The following RDH8 variants were observed in gnomAD, a reference collection of about 807,000 sequenced individuals.
RDH8 encodes the protein retinol dehydrogenase 8.
In RDH8, 14 loss-of-function variants were observed where a neutral mutation model predicts 22.3. That is an observed-to-expected ratio of 0.63 (90% CI 0.42 to 0.98). RDH8 has a LOEUF of 0.98. Among genes scored for constraint, RDH8 ranks in the 50% least tolerant of loss-of-function variants. RDH8 has a pLI of 0.00. For missense variants in RDH8, 389 were observed against 409.8 expected, an observed-to-expected ratio of 0.95 and a Z score of 0.44; for synonymous variants, 175 against 171.7, an observed-to-expected ratio of 1.02 and a Z score of -0.15.
intron 3 of RDH8, among the ~76,000 whole-genome samples, chr19:10,019,837 C>CAAACAAACA (rs1200800253): frequency 6.6e-6 from 1 of 151,192 alleles, no homozygotes; most frequent in Non-Finnish European, 1.5e-5. Context: ...AACAAACAAA[C>CAAACAAACA]AAAAAACAAC....
chr19:10,014,428 G>A (rs932587341), intron 1 of RDH8, among the ~76,000 whole-genome samples: 1 of 152,192 alleles, frequency 6.6e-6, no homozygotes, highest in African/African-American at 2.4e-5. Context: ...TGTTTATGGA[G>A]CTTTTACAAT....
At chr19:10,020,601 G>A in intron 3 of RDH8, 108 bp from the exon 4 acceptor site, 1 of 695,650 alleles carries the variant, frequency 1.4e-6, no homozygotes, top group Non-Finnish European at 2.6e-6. Context: ...TGCTTTCTCT[G>A]GTTCCCACAT....
intron 1 of RDH8, among the ~76,000 whole-genome samples, chr19:10,016,808 G>A (rs1001091759): frequency 1.3e-5 from 2 of 152,080 alleles, no homozygotes; most frequent in African/African-American, 4.8e-5. Context: ...TCAGCACCTA[G>A]AATAGGGCAT....
chr19:10,019,049 CA>C (rs1161289675), intron 3 of RDH8, 139 bp downstream of exon 3: 1 of 690,254 alleles, frequency 1.4e-6, no homozygotes, highest in African/African-American at 1.8e-5. Flanking sequence ...GTAATCTTAG[CA>C]CTTTGGGAGG....
intron 1 of RDH8, among the ~76,000 whole-genome samples, chr19:10,016,824 A>G (rs1374677195): frequency 6.6e-6 from 1 of 152,136 alleles, no homozygotes; most frequent in Non-Finnish European, 1.5e-5. Context: ...GGCATAGTGT[A>G]TAGTAGATGC....
At chr19:10,019,819 AGT>A (rs1412419428) in intron 3 of RDH8, among the ~76,000 whole-genome samples, 6 of 135,664 alleles carry the variant, frequency 4.4e-5, no homozygotes, top group South Asian at 2.7e-4. Flanking sequence ...TAAATAAATA[AGT>A]AAACAAACAA....
chr19:10,021,791 C>A lies in RDH8; in HGVS notation c.*42C>A. 1.9e-6 allele frequency: 3 copies of A among 1,562,872 alleles called. No homozygotes were observed. Among genetic ancestry groups the A allele is most frequent in the Non-Finnish European group, 2.6e-6 (3 of 1,140,144 alleles). On this transcript the variant is annotated 3_prime_UTR_variant, in exon 6 of 6. Transcript: ENST00000591589. ...CGATCCCCATCCCTGAACAACCAGA[C>A]CTCTTCATTCCACATCTAATTCAAA...
At position 10,021,416 on chromosome 19, in the gene RDH8, A is replaced by G. The variant is rs2145169791; in HGVS notation, c.698A>G (p.Gln233Arg). Residue 233 changes from glutamine to arginine, a missense_variant, in exon 5 of 6, where the codon CAG (glutamine) becomes CGG (arginine). Gln to Arg is a conservative substitution (Grantham distance 43, BLOSUM62 1). Transcript: ENST00000591589. The stretch of plus-strand genomic sequence containing the variant: ...AGGAAGCTGTTTTGCTCCGTGGGAC[A>G]GAACCCACAGGACGTGGTTCAGGTG... ...ASRKLFCSVGQNPQDVVQAIV... is the reference protein window; with the variant it reads ...ASRKLFCSVGRNPQDVVQAIV... 1.9e-6 allele frequency: 3 copies of G among 1,614,114 alleles called. No individual in the cohort carries two copies. The highest frequency in any genetic ancestry group is 2.5e-6 in the Non-Finnish European group (3 of 1,180,008).
At chr19:10,017,949 A>T (rs2087631935) in intron 2 of RDH8, among the ~76,000 whole-genome samples, 1 of 151,028 alleles carries the variant, frequency 6.6e-6, no homozygotes, top group Admixed American at 6.6e-5. Context: ...CCTGGCCAAA[A>T]ATCAATTTTT....
chr19:10,014,378 A>C (rs2087592627), intron 1 of RDH8, among the ~76,000 whole-genome samples: 1 of 152,086 alleles, frequency 6.6e-6, no homozygotes, highest in South Asian at 2.1e-4. Context: ...GTGTGTCCCT[A>C]TGGGCGGGCA....
At chr19:10,017,263 T>C in intron 2 of RDH8, 48 bp downstream of exon 2, 1 of 1,475,506 alleles carries the variant, frequency 6.8e-7, no homozygotes, top group Non-Finnish European at 9.1e-7. Flanking sequence ...CTGGTCTGAG[T>C]ATAGACCCTC....
intron 1 of RDH8, 30 bp downstream of exon 1, chr19:10,013,630 A>T (rs1478255739): frequency 1.2e-6 from 2 of 1,612,786 alleles, no homozygotes; most frequent in African/African-American, 2.7e-5. Context: ...ACTAGGAGGC[A>T]GCCGGGTGGA....
At position 10,020,944 on chromosome 19, in the gene RDH8, G is replaced by T. The variant is rs2087653688; in HGVS notation, c.536+142G>T. 9 of 693,014 alleles carry T rather than the reference G, an allele frequency of 1.3e-5. No homozygotes were observed. The Admixed American group carries it at 1.8e-4, about 14-fold the overall frequency. 42.9% of individuals were successfully genotyped at this position (693,014 alleles called of 1,614,324 possible). A position where few individuals can be genotyped will look rare whatever the true frequency, so the allele number is the denominator to read the frequency against. On this transcript the variant is annotated intron_variant, in intron 4 of 5. Transcript: ENST00000591589. ...TCCAGCGTTTTGAGAGGCTGAAATG[G>T]GAGGATCGCTTGAGGTCAGGCATTT...
At chr19:10,020,415 G>A (rs2087649770) in intron 3 of RDH8, among the ~76,000 whole-genome samples, 1 of 151,478 alleles carries the variant, frequency 6.6e-6, no homozygotes, top group African/African-American at 2.4e-5. Context: ...AGAGAAAAAT[G>A]AAGGGGATCC....
At chr19:10,017,340 G>A in intron 2 of RDH8, 125 bp downstream of exon 2, 1 of 1,071,826 alleles carries the variant, frequency 9.3e-7, no homozygotes, top group Non-Finnish European at 1.2e-6. Flanking sequence ...GGCAGAAGGG[G>A]TAGACCAGTT....
intron 1 of RDH8, 73 bp downstream of exon 1, chr19:10,013,673 T>A: frequency 1.3e-6 from 2 of 1,510,766 alleles, no homozygotes; most frequent in Non-Finnish European, 9.1e-7. Context: ...CCCCTACCCA[T>A]CCCTCCCAGC....
At chr19:10,018,677 T>C in intron 2 of RDH8, 54 bp from the exon 3 acceptor site, 1 of 1,434,052 alleles carries the variant, frequency 7.0e-7, no homozygotes, top group Non-Finnish European at 9.5e-7. Flanking sequence ...TGTCTAGAAG[T>C]AATGCTAGAA....
In RDH8 at chr19:10,015,368, G is replaced by T. The variant is rs561047857; in HGVS notation, c.104-1689G>T. Among the ~76,000 whole-genome samples the T allele has an allele frequency of 5.3e-5, 8 of 152,120 alleles. No individual in the cohort carries two copies. In the East Asian group the frequency reaches 1.6e-3, roughly 30 times the overall value. On this transcript the variant is annotated intron_variant, in intron 1 of 5. Transcript: ENST00000591589. ...TTCGGGAGGCTGAGGCAGAAGAATG[G>T]CGTGAACCTGTGGGGTGGAGCTTGC...
intron 1 of RDH8, among the ~76,000 whole-genome samples, chr19:10,014,617 C>T (rs1165603406): frequency 6.6e-6 from 1 of 152,186 alleles, no homozygotes; most frequent in East Asian, 1.9e-4. Flanking sequence ...TGGCTCACTG[C>T]AGCCTCCACT....
Sources: allele counts gnomAD v4.1 joint callset (sites outside exome capture counted in the v4.1 genomes callset), GRCh38; gene constraint gnomAD v4.1.1; transcripts MANE v1.5; gene names NCBI Gene and HGNC (gene_info 2026-07-23, HGNC 2026-07-21).